The following MEGF10 variants were observed in gnomAD, a reference collection of about 807,000 sequenced individuals.
MEGF10 encodes the protein multiple epidermal growth factor-like domains protein 10.
MEGF10 carries 86 observed loss-of-function variants against 147.5 expected under a neutral mutation model. The observed-to-expected ratio is 0.58, with a 90% CI of 0.49 to 0.70. The LOEUF (loss-of-function observed/expected upper bound fraction) is 0.70. MEGF10 is among the 30% of genes least tolerant of loss of function. MEGF10 has a pLI of 0.00. For synonymous variants in MEGF10, 478 were observed against 525.5 expected, an observed-to-expected ratio of 0.91 and a Z score of 1.24; for missense variants, 1,329 against 1,487.3, an observed-to-expected ratio of 0.89 and a Z score of 1.75.
intron 1 of MEGF10, among the ~76,000 whole-genome samples, chr5:127,305,538 A>C (rs1220809679): frequency 6.6e-6 from 1 of 152,142 alleles, no homozygotes; most frequent in Non-Finnish European, 1.5e-5. Flanking sequence ...TCCTCACTAT[A>C]GCTAAGCCAG....
the MEGF10 span, among the ~76,000 whole-genome samples, chr5:127,258,543 T>C: frequency 3.9e-5 from 6 of 152,336 alleles, no homozygotes; most frequent in Non-Finnish European, 8.8e-5. Flanking sequence ...ACAAAATTTA[T>C]AGACATTTCT....
chr5:127,229,764 T>TG, the MEGF10 span: 1 of 151,634 alleles, frequency 6.6e-6, no homozygotes, highest in African/African-American at 2.4e-5. Context: ...CCCCATGCCC[T>TG]GGGCCGCCAG....
chr5:127,442,432 G>A (rs1295912941), intron 18 of MEGF10, among the ~76,000 whole-genome samples: 1 of 152,138 alleles, frequency 6.6e-6, no homozygotes, highest in African/African-American at 2.4e-5. Flanking sequence ...TCGTCTTCAA[G>A]ACTTCAACAA....
At chr5:127,361,650 G>C (rs1267259420) in intron 4 of MEGF10, among the ~76,000 whole-genome samples, 1 of 151,958 alleles carries the variant, frequency 6.6e-6, no homozygotes, top group African/African-American at 2.4e-5. Flanking sequence ...TCATAATGTA[G>C]GCATTTGGTG....
intron 16 of MEGF10, among the ~76,000 whole-genome samples, chr5:127,435,774 C>A (rs1352666674): frequency 6.6e-6 from 1 of 151,846 alleles, no homozygotes; most frequent in Non-Finnish European, 1.5e-5. Context: ...TGAAATAAAG[C>A]AAAAACAGCT....
intron 13 of MEGF10, among the ~76,000 whole-genome samples, chr5:127,433,036 G>C (rs1765436243): frequency 6.6e-6 from 1 of 152,092 alleles, no homozygotes; most frequent in Admixed American, 6.5e-5. Flanking sequence ...AGTCACCAAG[G>C]GCTAAAAGAT....
chr5:127,453,932 A>G (rs1766257091), intron 22 of MEGF10, among the ~76,000 whole-genome samples: 1 of 152,082 alleles, frequency 6.6e-6, no homozygotes, highest in Non-Finnish European at 1.5e-5. Context: ...GAACACTCCT[A>G]TTTCCCTCCC....
rs1321369711 is a variant in MEGF10 at position 127,378,240 on chromosome 5, A to T, written c.412+8238A>T. 2.0e-5 allele frequency among the ~76,000 whole-genome samples: 3 copies of T among 152,170 alleles called. No homozygotes were observed. In the East Asian group the frequency reaches 5.8e-4, roughly 29 times the overall value. On this transcript the variant is annotated intron_variant, in intron 5 of 24. Coordinates refer to ENST00000503335, the MANE Select transcript of MEGF10 (RefSeq NM_001256545.2). ...GGATAAGAATATCTATTATACTCAT[A>T]GGCTTGTGGGGATTAAATGAAGACT...
chr5:127,343,201 T>C (rs923069069), intron 4 of MEGF10, among the ~76,000 whole-genome samples: 4 of 152,194 alleles, frequency 2.6e-5, no homozygotes, highest in African/African-American at 9.6e-5. Context: ...GTCACCAAGA[T>C]AAATTAAACA....
the MEGF10 span, among the ~76,000 whole-genome samples, chr5:127,271,692 C>A: frequency 6.6e-6 from 1 of 152,030 alleles, no homozygotes; most frequent in African/African-American, 2.4e-5. Context: ...ATATAAGGGG[C>A]TTTTCCCCCT....
chr5:127,247,401 G>C, the MEGF10 span, among the ~76,000 whole-genome samples: 29 of 54,570 alleles, frequency 5.3e-4, 1 homozygote, highest in African/African-American at 8.4e-4. Context: ...AGAAGAAGAA[G>C]AAGAAGAAGA....
Position 127,370,081 on chromosome 5 carries a change from A to G in MEGF10, c.412+79A>G, listed in dbSNP as rs978633881. ...CCTTGTCTGCAGATGACCCTGAGCC[A>G]TGCTTTCCCTCTTCATCCCTACACA... On this transcript the variant is annotated intron_variant, in intron 5 of 24. Coordinates refer to ENST00000503335, the MANE Select transcript of MEGF10 (RefSeq NM_001256545.2). 3.8e-6 allele frequency: 4 copies of G among 1,050,662 alleles called. No homozygotes were observed. In the African/African-American group the frequency reaches 6.3e-5, roughly 16 times the overall value. 65.1% of individuals were successfully genotyped at this position (1,050,662 alleles called of 1,614,324 possible). A position where few individuals can be genotyped will look rare whatever the true frequency, so the allele number is the denominator to read the frequency against.
chr5:127,457,086 A>T (rs769192325), intron 24 of MEGF10, 42 bp from the exon 25 acceptor site: 21 of 1,515,530 alleles, frequency 1.4e-5, no homozygotes, highest in East Asian at 2.3e-5. Context: ...TTTTAAAAAC[A>T]TTTCCTTTGC....
In MEGF10 at chr5:127,458,198, A is replaced by G. The variant is rs1162072296; in HGVS notation, c.*880A>G. 6 of 152,204 alleles carry G rather than the reference A, an allele frequency of 3.9e-5. No homozygotes were observed. The highest frequency in any genetic ancestry group is 1.4e-4 in the African/African-American group (6 of 41,454). The allele number at this position is 152,204 out of a possible 1,614,324, so 9.4% of individuals were successfully genotyped here. On this transcript the variant is annotated 3_prime_UTR_variant, in exon 25 of 25. Transcript: ENST00000503335. Reference sequence around the variant, plus strand: ...GACTGGATGGAATGAGTGTGTAATGATTGATAAAGGTTGTAAATTTTAAAT... The same window carrying G: ...GACTGGATGGAATGAGTGTGTAATGGTTGATAAAGGTTGTAAATTTTAAAT...
intron 2 of MEGF10, among the ~76,000 whole-genome samples, chr5:127,332,076 A>T (rs776964044): frequency 5.9e-5 from 9 of 151,808 alleles, no homozygotes; most frequent in Non-Finnish European, 1.2e-4. Flanking sequence ...GGGTGTGGTT[A>T]TGTGAAGGCA....
rs568848635 is a variant in MEGF10, at chr5:127,374,073, G to A, written c.412+4071G>A. Among the ~76,000 whole-genome samples, 14 of 152,322 alleles carry A rather than the reference G, an allele frequency of 9.2e-5. 1 individual carries two copies. The highest frequency in any genetic ancestry group is 3.4e-4 in the African/African-American group (14 of 41,572). ...GCTAGCCACAGTGTACTGCAGGAGC[G>A]GTATGCTAGAGAAGCTGTCCGTGCT... On this transcript the variant is annotated intron_variant, in intron 5 of 24. Coordinates refer to ENST00000503335, the MANE Select transcript of MEGF10 (RefSeq NM_001256545.2).
the MEGF10 span, among the ~76,000 whole-genome samples, chr5:127,234,534 A>C: frequency 7.4e-3 from 1,126 of 152,348 alleles, 11 homozygotes; most frequent in African/African-American, 0.026. Flanking sequence ...GCGAACATAA[A>C]TAAATCTTCT....
At chr5:127,449,260 A>C in intron 22 of MEGF10, 38 bp downstream of exon 22, 1 of 1,609,052 alleles carries the variant, frequency 6.2e-7, no homozygotes, top group Non-Finnish European at 8.5e-7. Flanking sequence ...AAGCACCTTG[A>C]CCTGTCAGTC....
At chr5:127,268,876 C>A in the MEGF10 span, among the ~76,000 whole-genome samples, 1 of 152,206 alleles carries the variant, frequency 6.6e-6, no homozygotes, top group Admixed American at 6.5e-5. Context: ...GCCAGGTACC[C>A]CTTTGAGACG....
Sources: gnomAD v4.1 joint callset for allele counts (sites outside exome capture counted in the v4.1 genomes callset) on GRCh38, gnomAD v4.1.1 for gene constraint, MANE v1.5 for transcripts, NCBI Gene and HGNC (gene_info 2026-07-23, HGNC 2026-07-21) for gene names.